Variants in RSBN1L observed in about 807,000 individuals in gnomAD.
The protein encoded by RSBN1L is round spermatid basic protein 1 like.
RSBN1L carries 30 observed loss-of-function variants against 67.7 expected under a neutral mutation model. The ratio of observed to expected loss-of-function variants is 0.44; its 90% CI spans 0.33 to 0.60. The LOEUF is 0.60. RSBN1L is among the 20% of genes least tolerant of loss of function. RSBN1L has a pLI of 0.02. For synonymous variants in RSBN1L, 433 were observed against 387.0 expected (o/e 1.12, Z -1.39); for missense variants, 992 against 1,031.7 (o/e 0.96, Z 0.53).
intron 3 of RSBN1L, among the ~76,000 whole-genome samples, chr7:77,758,604 G>A (rs1391336795): frequency 1.3e-5 from 2 of 152,086 alleles, no homozygotes; most frequent in Non-Finnish European, 2.9e-5. Flanking sequence ...TTTTGTGTGT[G>A]CGCATTAATA....
At chr7:77,715,501 G>T (rs1355196311) in intron 1 of RSBN1L, among the ~76,000 whole-genome samples, 1 of 151,916 alleles carries the variant, frequency 6.6e-6, no homozygotes, top group Non-Finnish European at 1.5e-5. Flanking sequence ...CAAGATGGGG[G>T]GCTCACCATG....
intron 1 of RSBN1L, among the ~76,000 whole-genome samples, chr7:77,710,111 A>G (rs1790953393): frequency 6.6e-6 from 1 of 152,092 alleles, no homozygotes; most frequent in Admixed American, 6.6e-5. Context: ...TTTAGTTCAA[A>G]TTACCATTAT....
At chr7:77,727,784 AC>A (rs1791226367) in intron 1 of RSBN1L, among the ~76,000 whole-genome samples, 1 of 151,868 alleles carries the variant, frequency 6.6e-6, no homozygotes, top group East Asian at 1.9e-4. Flanking sequence ...CACTTTTATA[AC>A]CTAGCTTCTT....
chr7:77,749,138 C>T (rs1791521773), intron 2 of RSBN1L, among the ~76,000 whole-genome samples: 1 of 152,134 alleles, frequency 6.6e-6, no homozygotes, highest in South Asian at 2.1e-4. Context: ...CCTGTAATCC[C>T]AGCTACTTGG....
In RSBN1L at chr7:77,696,533, G is replaced by A. The variant is rs1790727171; in HGVS notation, c.64G>A (p.Glu22Lys). ...AAAAPTATVS[E>K]KEPFGKLQLS... is the part of the protein sequence containing the mutation. Reference sequence around the variant, plus strand: ...CGCGGCCCCCACCGCCACCGTCTCGGAGAAAGAACCGTTTGGCAAGCTGCA... The same window carrying A: ...CGCGGCCCCCACCGCCACCGTCTCGAAGAAAGAACCGTTTGGCAAGCTGCA... The change falls in exon 1 of 8, where the codon GAG (glutamate) becomes AAG (lysine). Residue 22 changes from glutamate (E) to lysine (K), a missense_variant. By Grantham distance (56) the Glu-to-Lys change is moderately conservative (BLOSUM62 1). Coordinates refer to ENST00000334955, the MANE Select transcript of RSBN1L (RefSeq NM_198467.3). The A allele has an allele frequency of 6.2e-7, 1 of 1,613,912 alleles. No homozygotes were observed. Among genetic ancestry groups the A allele is most frequent in the Non-Finnish European group, 8.5e-7 (1 of 1,180,010 alleles).
In RSBN1L at chr7:77,780,504, C is replaced by A. The variant is rs566350644; in HGVS notation, c.*1336C>A. The A allele has an allele frequency of 3.3e-5, 5 of 152,110 alleles. No homozygotes were observed. In the South Asian group the frequency reaches 1.0e-3, roughly 32 times the overall value. The allele number at this position is 152,110 out of a possible 1,614,324, so 9.4% of individuals were successfully genotyped here. A position where few individuals can be genotyped will look rare whatever the true frequency, so the allele number is the denominator to read the frequency against. ...ATTTTCTTACTAGTAAGTACCTTTA[C>A]TAAGTAATAGCTAAGTATAAAATCT... On this transcript the variant is annotated 3_prime_UTR_variant, in exon 8 of 8. Coordinates refer to ENST00000334955, the MANE Select transcript of RSBN1L (RefSeq NM_198467.3).
chr7:77,742,078 C>G (rs925007149), intron 2 of RSBN1L, among the ~76,000 whole-genome samples: 2 of 151,370 alleles, frequency 1.3e-5, no homozygotes, highest in Non-Finnish European at 2.9e-5. Context: ...AGCTCTTATC[C>G]CAGCATTTTG....
At chr7:77,710,555 GTTC>G (rs1278243272) in intron 1 of RSBN1L, among the ~76,000 whole-genome samples, 1 of 151,904 alleles carries the variant, frequency 6.6e-6, no homozygotes, top group Non-Finnish European at 1.5e-5. Flanking sequence ...CCTTCACTTT[GTTC>G]TTCTCTTATC....
At chr7:77,711,987 C>G (rs1381744882) in intron 1 of RSBN1L, among the ~76,000 whole-genome samples, 1 of 152,082 alleles carries the variant, frequency 6.6e-6, no homozygotes, top group Non-Finnish European at 1.5e-5. Context: ...GGGTCTTCAT[C>G]TGTAAAATAA....
At chr7:77,749,120 G>A (rs1312306252) in intron 2 of RSBN1L, among the ~76,000 whole-genome samples, 4 of 152,108 alleles carry the variant, frequency 2.6e-5, no homozygotes, top group Admixed American at 2.6e-4. Flanking sequence ...TGGGCATGGT[G>A]ACGCGCTCCT....
intron 6 of RSBN1L, among the ~76,000 whole-genome samples, chr7:77,777,313 A>G (rs1309124388): frequency 6.6e-6 from 1 of 152,028 alleles, no homozygotes; most frequent in Non-Finnish European, 1.5e-5. Flanking sequence ...AACCTCTTTC[A>G]TATTTATCAT....
At chr7:77,714,458 T>C (rs1206827726) in intron 1 of RSBN1L, among the ~76,000 whole-genome samples, 1 of 152,224 alleles carries the variant, frequency 6.6e-6, no homozygotes, top group Non-Finnish European at 1.5e-5. Context: ...AATCATACAC[T>C]AGCTTTTTCG....
At chr7:77,748,295 C>A (rs1229352625) in intron 2 of RSBN1L, among the ~76,000 whole-genome samples, 2 of 152,064 alleles carry the variant, frequency 1.3e-5, no homozygotes, top group Non-Finnish European at 2.9e-5. Flanking sequence ...CAGAAGTAAT[C>A]AAGGATGAGC....
chr7:77,751,283 A>G (rs1010251793), intron 3 of RSBN1L, among the ~76,000 whole-genome samples: 1 of 137,452 alleles, frequency 7.3e-6, no homozygotes. Flanking sequence ...GGAATTACAG[A>G]CATGCACCAC....
chr7:77,765,113 T>G (rs775195586), intron 3 of RSBN1L, among the ~76,000 whole-genome samples: 3 of 152,218 alleles, frequency 2.0e-5, no homozygotes, highest in Non-Finnish European at 4.4e-5. Flanking sequence ...TGAAAAGATA[T>G]GAACTTCATT....
chr7:77,754,834 A>C (rs892715346), intron 3 of RSBN1L, among the ~76,000 whole-genome samples: 5 of 152,140 alleles, frequency 3.3e-5, no homozygotes, highest in African/African-American at 1.2e-4. Context: ...ACAGCACTGC[A>C]CTCCAGCCTG....
chr7:77,764,089 ACTAT>A (rs1791731210), intron 3 of RSBN1L, among the ~76,000 whole-genome samples: 2 of 152,272 alleles, frequency 1.3e-5, no homozygotes, highest in South Asian at 4.1e-4. Flanking sequence ...TTTTGATGTG[ACTAT>A]CTTTTATAAT....
chr7:77,750,506 A>G (rs1248256563), intron 3 of RSBN1L, among the ~76,000 whole-genome samples: 1 of 152,158 alleles, frequency 6.6e-6, no homozygotes, highest in Non-Finnish European at 1.5e-5. Flanking sequence ...ATATTGTGGT[A>G]TGAAGGAATC....
rs1467773883 is a variant in RSBN1L, at chr7:77,780,064, T to G, written c.*896T>G. 3 of 152,140 alleles carry G rather than the reference T, an allele frequency of 2.0e-5. No homozygotes were observed. The highest frequency in any genetic ancestry group is 4.4e-5 in the Non-Finnish European group (3 of 68,062). 9.4% of individuals were successfully genotyped at this position (152,140 alleles called of 1,614,324 possible). On this transcript the variant is annotated 3_prime_UTR_variant, in exon 8 of 8. Transcript: ENST00000334955. ...CCAGGATGGTCTTGATCTCTTGACC[T>G]TGTGATCCGCCCACCTTGGCCTCCC...
Sources: allele counts gnomAD v4.1 joint callset (sites outside exome capture counted in the v4.1 genomes callset), GRCh38; gene constraint gnomAD v4.1.1; transcripts MANE v1.5; gene names NCBI Gene and HGNC (gene_info 2026-07-23, HGNC 2026-07-21).